Variants in SHCBP1 observed in about 807,000 individuals in gnomAD.
SHCBP1 encodes SHC binding and spindle associated 1, also known as SHC SH2 domain-binding protein 1.
SHCBP1 carries 60 observed loss-of-function variants against 75.1 expected under a neutral mutation model. The ratio of observed to expected loss-of-function variants is 0.80; its 90% CI spans 0.65 to 0.99. The LOEUF is 0.99. SHCBP1 is among the 50% of genes least tolerant of loss of function. The pLI, the probability that SHCBP1 is intolerant of heterozygous loss-of-function variation, is 0.00. For synonymous variants in SHCBP1, 290 were observed against 293.2 expected (o/e 0.99, Z 0.11); for missense variants, 709 against 809.4 (o/e 0.88, Z 1.50).
intron 10 of SHCBP1, among the ~76,000 whole-genome samples, chr16:46,587,832 A>G (rs1369744724): frequency 2.6e-5 from 4 of 152,118 alleles, no homozygotes; most frequent in African/African-American, 4.8e-5. Flanking sequence ...CATCTACAGA[A>G]CTCTCCACCC....
At position 46,581,992 on chromosome 16, in the gene SHCBP1, C is replaced by T. The variant is rs755815445; in HGVS notation, c.1756G>A (p.Glu586Lys). ...CCAGTTGCACACTCAATCAGCTCTTCTAGATCCACTCTTTCAGCCACATCT... is the reference window on the plus strand; with the variant it reads ...CCAGTTGCACACTCAATCAGCTCTTTTAGATCCACTCTTTCAGCCACATCT... The part of the protein sequence containing the change: ...EPDVAERVDL[E>K]ELIECATGKM... The change falls in exon 13 of 13, where the codon GAA becomes AAA. Residue 586 changes from glutamate (E) to lysine (K), a missense_variant. Coordinates refer to ENST00000303383, the MANE Select transcript of SHCBP1 (RefSeq NM_024745.5). 2 of 1,614,202 alleles carry T rather than the reference C, an allele frequency of 1.2e-6. No homozygotes were observed. The highest frequency in any genetic ancestry group is 1.7e-6 in the Non-Finnish European group (2 of 1,180,038).
chr16:46,589,169 T>C (rs1422576965), intron 10 of SHCBP1, among the ~76,000 whole-genome samples: 1 of 152,126 alleles, frequency 6.6e-6, no homozygotes, highest in Non-Finnish European at 1.5e-5. Context: ...ATGGGATGTA[T>C]CTCAAAATAA....
chr16:46,611,156 T>G (rs1273534951), intron 4 of SHCBP1, among the ~76,000 whole-genome samples: 1 of 152,212 alleles, frequency 6.6e-6, no homozygotes, highest in African/African-American at 2.4e-5. Context: ...TGTGGGTGTG[T>G]GAGTGCACTC....
chr16:46,599,669 TAAAAAAA>T (rs1555519115), intron 9 of SHCBP1, among the ~76,000 whole-genome samples, 155 bp downstream of exon 9: 2 of 23,136 alleles, frequency 8.6e-5, no homozygotes, highest in Non-Finnish European at 7.3e-5. Context: ...CTTCAATTTG[TAAAAAAA>T]AAAAAAAAAA....
Position 46,616,998 on chromosome 16 carries a change from G to A in SHCBP1, c.387+636C>T, listed in dbSNP as rs377621288. ...AACTTGTATTCACACTCCCTGGTTT[G>A]ACATTTTAGTTTACTAGGGCTTTTT... On this transcript the variant is annotated intron_variant, in intron 3 of 12. Transcript: ENST00000303383. This position sits in a 1 kb window ranked among gnomAD's most constrained non-coding sequence, Gnocchi z 4.4. Among the ~76,000 whole-genome samples the A allele has an allele frequency of 1.3e-5, 2 of 152,146 alleles. No individual in the cohort carries two copies. Among genetic ancestry groups the A allele is most frequent in the African/African-American group, 4.8e-5 (2 of 41,426 alleles).
rs1478266017 is a variant in SHCBP1 at position 46,603,647 on chromosome 16, G to A, written c.1105C>T (p.Pro369Ser). Residue 369 changes from proline to serine, a missense_variant, in exon 8 of 13, where the codon CCA becomes TCA. By Grantham distance (74) the Pro-to-Ser change is moderately conservative. Transcript: ENST00000303383. The part of the protein sequence containing the change: ...EEREIQFHSD[P>S]LSAINACFEG... ...AAGCAGGCATTTATAGCAGACAATG[G>A]ATCACTATGGAACTAGAAAACAATA... 1 of 1,614,018 alleles carries A rather than the reference G, an allele frequency of 6.2e-7. No homozygotes were observed. The highest frequency in any genetic ancestry group is 8.5e-7 in the Non-Finnish European group (1 of 1,180,036).
intron 9 of SHCBP1, 143 bp downstream of exon 9, chr16:46,599,688 A>C (rs12924503): frequency 0.033 from 2,424 of 74,460 alleles, 225 homozygotes; most frequent in Middle Eastern, 0.14. Context: ...AAAAAAAAAA[A>C]AAAACTCAGC....
At position 46,615,961 on chromosome 16, in the gene SHCBP1, G is replaced by C; in HGVS notation, c.581C>G (p.Ala194Gly). 1 of 1,614,054 alleles carries C rather than the reference G, an allele frequency of 6.2e-7. No homozygotes were observed. The change falls in exon 4 of 13, where the codon GCA becomes GGA. Residue 194 changes from alanine (A) to glycine (G), a missense_variant. Physicochemically the swap from Ala to Gly is moderately conservative, Grantham distance 60. Coordinates refer to ENST00000303383, the MANE Select transcript of SHCBP1 (RefSeq NM_024745.5). ...DSGVFDQTAL[A>G]IEHVRFFYQN... ...CTTTTCCTACCTGACATGCTCAATTGCAAGGGCTGTCTGGTCAAACACTCC... is the reference window on the plus strand; with the variant it reads ...CTTTTCCTACCTGACATGCTCAATTCCAAGGGCTGTCTGGTCAAACACTCC...
intron 12 of SHCBP1, among the ~76,000 whole-genome samples, chr16:46,582,866 C>T (rs1475130996): frequency 6.6e-6 from 1 of 152,184 alleles, no homozygotes; most frequent in East Asian, 1.9e-4. Flanking sequence ...CCTGAAAAAG[C>T]TGATTAAATA....
chr16:46,610,828 C>T (rs1043381678), intron 4 of SHCBP1, among the ~76,000 whole-genome samples: 2 of 151,894 alleles, frequency 1.3e-5, no homozygotes, highest in Non-Finnish European at 2.9e-5. Flanking sequence ...CAGAGTGCTA[C>T]AATTACAGGT....
Position 46,604,428 on chromosome 16 carries a change from T to C in SHCBP1, c.723A>G (p.Ser241=), listed in dbSNP as rs1328560808. ...HYDILEDRVP[S]GLIVDYHNLL... is the part of the protein sequence containing the mutation. The stretch of plus-strand genomic sequence containing the variant: ...GATTGTGGTAGTCAACAATAAGTCC[T>C]GATGGAACTCGGTCTTCAAGAATGT... Residue 241 remains serine, a synonymous_variant, in exon 6 of 13, where the codon TCA becomes TCG. Coordinates refer to ENST00000303383, the MANE Select transcript of SHCBP1 (RefSeq NM_024745.5). 3 of 1,613,188 alleles carry C rather than the reference T, an allele frequency of 1.9e-6. No individual in the cohort carries two copies. The highest frequency in any genetic ancestry group is 1.3e-5 in the African/African-American group (1 of 74,934).
intron 9 of SHCBP1, among the ~76,000 whole-genome samples, chr16:46,597,067 A>G (rs1219541510): frequency 6.6e-6 from 1 of 152,160 alleles, no homozygotes; most frequent in Non-Finnish European, 1.5e-5. Flanking sequence ...CATACTCCAG[A>G]GATATTGCAG....
intron 10 of SHCBP1, among the ~76,000 whole-genome samples, chr16:46,590,387 G>A (rs951306575): frequency 1.3e-5 from 2 of 152,152 alleles, no homozygotes; most frequent in African/African-American, 4.8e-5. Context: ...GCAACCTACA[G>A]AATGCAAGAA....
chr16:46,617,784 TGCATAAA>T lies in SHCBP1; in HGVS notation c.272-42_272-36del, dbSNP rs748181601. 6.0e-6 allele frequency: 9 copies of T among 1,490,534 alleles called. No individual in the cohort carries two copies. In the African/African-American group the frequency reaches 1.2e-4, roughly 21 times the overall value. 92.3% of individuals were successfully genotyped at this position (1,490,534 alleles called of 1,614,324 possible). On this transcript the variant is annotated intron_variant, in intron 2 of 12. Coordinates refer to ENST00000303383, the MANE Select transcript of SHCBP1 (RefSeq NM_024745.5). The stretch of plus-strand genomic sequence containing the variant: ...AATTAAACACAGGAAGAATTGAGAA[TGCATAAA>T]GCAGAGGGAAGTTAATAAATCCACT...
rs377152534 is a variant in SHCBP1 at position 46,599,265 on chromosome 16, C to A, written c.1345+566G>T. ...GACATGCCTTCCTCACTATGTTAAACATTTCTAATTTTTAAATTTAACATG... is the reference window on the plus strand; with the variant it reads ...GACATGCCTTCCTCACTATGTTAAAAATTTCTAATTTTTAAATTTAACATG... On this transcript the variant is annotated intron_variant, in intron 9 of 12. Coordinates refer to ENST00000303383, the MANE Select transcript of SHCBP1 (RefSeq NM_024745.5). Among the ~76,000 whole-genome samples, 10 of 152,260 alleles carry A rather than the reference C, an allele frequency of 6.6e-5. No homozygotes were observed. In the East Asian group the frequency reaches 1.9e-3, roughly 29 times the overall value.
intron 4 of SHCBP1, among the ~76,000 whole-genome samples, chr16:46,610,645 G>A (rs756391907): frequency 2.2e-5 from 3 of 138,702 alleles, no homozygotes; most frequent in Non-Finnish European, 3.0e-5. Flanking sequence ...TGCAGCCTCC[G>A]CCTCCTGGGT....
chr16:46,592,836 A>G (rs1965067253), intron 10 of SHCBP1, among the ~76,000 whole-genome samples: 1 of 151,674 alleles, frequency 6.6e-6, no homozygotes, highest in African/African-American at 2.4e-5. Context: ...GTTTTCCAGT[A>G]AGAAAAATCA....
At position 46,618,235 on chromosome 16, in the gene SHCBP1, G is replaced by A. The variant is rs747121194; in HGVS notation, c.241C>T (p.Arg81Ter). The part of the protein sequence containing the change: ...FQTNQLLFYE[R>*]FRAYQDYILA... The stretch of plus-strand genomic sequence containing the variant: ...ATGTAATCTTGATAGGCTCTGAATC[G>A]CTCATAGAACAAAAGTTGATTTGTT... The change falls in exon 2 of 13, where the codon CGA becomes TGA. Residue 81 changes from arginine (R) to a stop codon, truncating the protein, a stop_gained. Transcript: ENST00000303383. LOFTEE classifies it high-confidence loss of function. The A allele has an allele frequency of 1.4e-5, 23 of 1,609,250 alleles. No individual in the cohort carries two copies. In the East Asian group the frequency reaches 2.9e-4, roughly 20 times the overall value.
intron 8 of SHCBP1, among the ~76,000 whole-genome samples, chr16:46,602,569 G>A (rs894268650): frequency 4.6e-5 from 7 of 152,168 alleles, no homozygotes; most frequent in African/African-American, 1.7e-4. Flanking sequence ...GGACCAAGAT[G>A]AACAATTGTA....
Sources: gnomAD v4.1 joint callset for allele counts (sites outside exome capture counted in the v4.1 genomes callset) on GRCh38, gnomAD v4.1.1 for gene constraint, Gnocchi (gnomAD v3.1) non-coding constraint, MANE v1.5 for transcripts, NCBI Gene and HGNC (gene_info 2026-07-23, HGNC 2026-07-21) for gene names.